Variants in DPYSL5 observed in about 807,000 individuals in gnomAD.
DPYSL5 encodes dihydropyrimidinase like 5.
DPYSL5 carries 9 observed loss-of-function variants against 58.4 expected under a neutral mutation model. That is an observed-to-expected ratio of 0.15 (90% CI 0.09 to 0.27). DPYSL5 has a LOEUF of 0.27. Among genes scored for constraint, DPYSL5 ranks in the 10% least tolerant of loss-of-function variants. The probability of loss-of-function intolerance (pLI) is 1.00; values close to 1 mark genes in which losing one functional copy is unlikely to be tolerated. For missense variants in DPYSL5, 499 were observed against 770.6 expected (o/e 0.65, Z 4.17); for synonymous variants, 293 against 301.9 (o/e 0.97, Z 0.31).
intron 2 of DPYSL5, among the ~76,000 whole-genome samples, chr2:26,920,593 C>A (rs1320990751): frequency 1.3e-5 from 2 of 152,184 alleles, no homozygotes; most frequent in African/African-American, 4.8e-5. Flanking sequence ...TGGTGAAACA[C>A]CATCTGTACT....
intron 1 of DPYSL5, among the ~76,000 whole-genome samples, chr2:26,892,736 C>T (rs1663915873): frequency 7.6e-6 from 1 of 130,840 alleles, no homozygotes; most frequent in Admixed American, 8.1e-5. Flanking sequence ...TATATCTTTG[C>T]ATAGAGCATT....
Position 26,898,769 on chromosome 2 carries a change from C to CACAG in DPYSL5, c.261+9_261+10insACAG. 1 of 1,595,346 alleles carries CACAG rather than the reference C, an allele frequency of 6.3e-7. No individual in the cohort carries two copies. The highest frequency in any genetic ancestry group is 8.6e-7 in the Non-Finnish European group (1 of 1,167,712). Reference sequence around the variant, plus strand: ...TCTACCATGGGACCAAGGTAATGCTCCTGTTTGCCAAAGGTGGCTTCCTCT... The same window carrying CACAG: ...TCTACCATGGGACCAAGGTAATGCTCACAGCTGTTTGCCAAAGGTGGCTTCCTCT... On this transcript the variant is annotated intron_variant, in intron 2 of 12. Transcript: ENST00000288699. The surrounding 1 kb of genome is among the most constrained non-coding windows in gnomAD (Gnocchi z 6.1).
chr2:26,942,821 A>C lies in DPYSL5; in HGVS notation c.1440+71A>C. The C allele has an allele frequency of 1.9e-6, 3 of 1,544,444 alleles. No individual in the cohort carries two copies. The highest frequency in any genetic ancestry group is 2.7e-6 in the Non-Finnish European group (3 of 1,126,000). ...GGGGAACATCCTCCATGACTGTTTT[A>C]AATCTCAAAGAGATGTTCACTCCAG... On this transcript the variant is annotated intron_variant, in intron 11 of 12. Coordinates refer to ENST00000288699, the MANE Select transcript of DPYSL5 (RefSeq NM_020134.4). This position sits in a 1 kb window ranked among gnomAD's most constrained non-coding sequence, Gnocchi z 5.9.
chr2:26,936,717 G>A (rs1212133716), intron 8 of DPYSL5, among the ~76,000 whole-genome samples: 1 of 151,468 alleles, frequency 6.6e-6, no homozygotes, highest in Non-Finnish European at 1.5e-5. Context: ...TTTGGGAGGC[G>A]GAGTCAGGCA....
chr2:26,889,499 T>C (rs1663815412), intron 1 of DPYSL5, among the ~76,000 whole-genome samples: 1 of 151,684 alleles, frequency 6.6e-6, no homozygotes, highest in Non-Finnish European at 1.5e-5. Flanking sequence ...CTCAATCTCC[T>C]GACCTCATGA....
chr2:26,893,342 C>T (rs552920857), intron 1 of DPYSL5, among the ~76,000 whole-genome samples: 27 of 152,312 alleles, frequency 1.8e-4, no homozygotes, highest in South Asian at 1.2e-3. Context: ...TGACATGTGC[C>T]CTTACAAGAG....
intron 1 of DPYSL5, among the ~76,000 whole-genome samples, chr2:26,887,609 A>G (rs1403028704): frequency 1.3e-5 from 2 of 152,236 alleles, no homozygotes; most frequent in African/African-American, 4.8e-5. Flanking sequence ...ACTCAGCAAG[A>G]TGCTTCCTAT....
intron 2 of DPYSL5, among the ~76,000 whole-genome samples, chr2:26,903,227 A>T (rs1268595044): frequency 6.6e-6 from 1 of 152,166 alleles, no homozygotes; most frequent in East Asian, 1.9e-4. Context: ...ACACCACCAC[A>T]TCTGGCTAAT....
At chr2:26,931,579 T>C (rs1371096996) in intron 5 of DPYSL5, 61 bp from the exon 6 acceptor site, 2 of 1,601,758 alleles carry the variant, frequency 1.2e-6, no homozygotes, top group East Asian at 4.5e-5. Flanking sequence ...GAGAGTATGG[T>C]GTGGGTATCC....
chr2:26,859,134 T>C (rs1665951006), intron 1 of DPYSL5, among the ~76,000 whole-genome samples: 1 of 152,246 alleles, frequency 6.6e-6, no homozygotes, highest in African/African-American at 2.4e-5. Flanking sequence ...TTCAGTTCCG[T>C]TGGAATGTAC....
rs566388098 is a variant in DPYSL5 at position 26,902,480 on chromosome 2, A to T, written c.261+3720A>T. On this transcript the variant is annotated intron_variant, in intron 2 of 12. Coordinates refer to ENST00000288699, the MANE Select transcript of DPYSL5 (RefSeq NM_020134.4). ...ATATAGGTACCAGCCCCTCACTAAG[A>T]TATTGATAGCGAGGACAGACACGTG... Among the ~76,000 whole-genome samples, 4 of 152,244 alleles carry T rather than the reference A, an allele frequency of 2.6e-5. No individual in the cohort carries two copies. The South Asian group carries it at 8.3e-4, about 32-fold the overall frequency.
intron 1 of DPYSL5, among the ~76,000 whole-genome samples, chr2:26,887,695 A>G (rs1472593684): frequency 1.4e-5 from 2 of 147,942 alleles, no homozygotes; most frequent in Non-Finnish European, 2.9e-5. Context: ...GTTTTCCCAC[A>G]AGACAGTGGT....
chr2:26,871,740 C>T (rs1663267273), intron 1 of DPYSL5, among the ~76,000 whole-genome samples: 2 of 152,108 alleles, frequency 1.3e-5, no homozygotes, highest in Non-Finnish European at 2.9e-5. Flanking sequence ...CACACCCAGC[C>T]AGAAACATTA....
intron 1 of DPYSL5, among the ~76,000 whole-genome samples, chr2:26,878,020 G>A (rs941249743): frequency 2.0e-5 from 3 of 152,184 alleles, no homozygotes; most frequent in African/African-American, 7.2e-5. Flanking sequence ...TTGTACAACT[G>A]TTCAATTATT....
At chr2:26,859,933 T>A (rs191984903) in intron 1 of DPYSL5, among the ~76,000 whole-genome samples, 3 of 152,308 alleles carry the variant, frequency 2.0e-5, no homozygotes, top group Admixed American at 2.0e-4. Context: ...ATTTCCTGAG[T>A]GCCTGCAACG....
Position 26,927,444 on chromosome 2 carries a change from G to A in DPYSL5, c.600+12G>A, listed in dbSNP as rs1422643289. ...AGCTTGTGGCCGAGGCAAGTCTGCAGCCAAGAATATTGGATGGAGGGACAC... is the reference window on the plus strand; with the variant it reads ...AGCTTGTGGCCGAGGCAAGTCTGCAACCAAGAATATTGGATGGAGGGACAC... On this transcript the variant is annotated intron_variant, in intron 4 of 12. Coordinates refer to ENST00000288699, the MANE Select transcript of DPYSL5 (RefSeq NM_020134.4). The surrounding 1 kb of genome is among the most constrained non-coding windows in gnomAD (Gnocchi z 4.3). The A allele has an allele frequency of 6.2e-7, 1 of 1,612,972 alleles. No individual in the cohort carries two copies. The highest frequency in any genetic ancestry group is 1.7e-5 in the Admixed American group (1 of 59,986).
At position 26,898,856 on chromosome 2, in the gene DPYSL5, C is replaced by G; in HGVS notation, c.261+96C>G. ...CTAGACTCATGTGAGCCAGGTGCTC[C>G]CAGTGTATTGCTGGCAGGAGAAGGG... On this transcript the variant is annotated intron_variant, in intron 2 of 12. Transcript: ENST00000288699. The surrounding 1 kb of genome is among the most constrained non-coding windows in gnomAD (Gnocchi z 6.1). 2 of 1,448,538 alleles carry G rather than the reference C, an allele frequency of 1.4e-6. No individual in the cohort carries two copies. The highest frequency in any genetic ancestry group is 1.9e-6 in the Non-Finnish European group (2 of 1,075,480). The allele number at this position is 1,448,538 out of a possible 1,614,324, so 89.7% of individuals were successfully genotyped here. A position where few individuals can be genotyped will look rare whatever the true frequency, so the allele number is the denominator to read the frequency against.
At position 26,934,527 on chromosome 2, in the gene DPYSL5, C is replaced by A; in HGVS notation, c.791-51C>A. ...AAAATGAGAGGCACACACCAGCGAT[C>A]GCTCAGGTTCGGTGGCTTCCTGGTT... is the stretch of plus-strand genomic sequence containing the variant. On this transcript the variant is annotated intron_variant, in intron 7 of 12. Transcript: ENST00000288699. This position sits in a 1 kb window ranked among gnomAD's most constrained non-coding sequence, Gnocchi z 4.3. The A allele has an allele frequency of 6.3e-7, 1 of 1,582,172 alleles. No individual in the cohort carries two copies. Among genetic ancestry groups the A allele is most frequent in the South Asian group, 1.1e-5 (1 of 88,092 alleles).
intron 1 of DPYSL5, among the ~76,000 whole-genome samples, chr2:26,884,378 T>G (rs997076024): frequency 6.6e-6 from 1 of 152,152 alleles, no homozygotes; most frequent in Admixed American, 6.5e-5. Flanking sequence ...CCTCAAGTAA[T>G]GAAGCCTCCT....
Sources: allele counts gnomAD v4.1 joint callset (sites outside exome capture counted in the v4.1 genomes callset), GRCh38; gene constraint gnomAD v4.1.1; non-coding constraint Gnocchi (gnomAD v3.1); transcripts MANE v1.5; gene names NCBI Gene and HGNC (gene_info 2026-07-23, HGNC 2026-07-21).